TLCD3B: variants seen among roughly 807,000 people sequenced by gnomAD.
TLCD3B encodes the protein ceramide synthase.
In TLCD3B, 9 loss-of-function variants were observed where a neutral mutation model predicts 23.0. That is an observed-to-expected ratio of 0.39 (90% CI 0.24 to 0.68). The LOEUF (loss-of-function observed/expected upper bound fraction) is 0.68. Among genes scored for constraint, TLCD3B ranks in the 30% least tolerant of loss-of-function variants. The pLI is 0.44. For synonymous variants in TLCD3B, 161 were observed against 161.0 expected (o/e 1.00, Z 0.00); for missense variants, 307 against 371.8 (o/e 0.83, Z 1.43).
chr16:30,035,554 C>T (rs897014040), upstream of TLCD3B: 1 of 1,256,018 alleles, frequency 8.0e-7, no homozygotes, highest in East Asian at 5.7e-5. Flanking sequence ...CCCCAGCAGC[C>T]TTCTTCACCC....
intron 2 of TLCD3B, among the ~76,000 whole-genome samples, chr16:30,044,262 T>C (rs149756495): frequency 1.3e-5 from 2 of 149,916 alleles, no homozygotes; most frequent in Non-Finnish European, 3.0e-5. Context: ...CCTCCCAGAG[T>C]GCTGGGATTA....
At position 30,030,814 on chromosome 16, in the gene TLCD3B, G is replaced by T. The variant is rs1371059910; in HGVS notation, c.-287C>A. ...GGGAGAGGCAAAGAGGGGATGGCTT[G>T]GTGAGGGACAGAGAGGAAGAGGGGA... On this transcript the variant is annotated 5_prime_UTR_variant, in exon 1 of 5. Transcript: ENST00000380495. The T allele has an allele frequency of 2.0e-5, 23 of 1,170,672 alleles. No individual in the cohort carries two copies. The highest frequency in any genetic ancestry group is 2.3e-5 in the Non-Finnish European group (22 of 948,438). 72.5% of individuals were successfully genotyped at this position (1,170,672 alleles called of 1,614,324 possible).
At chr16:30,048,986 A>ATC (rs2071712852) in intron 1 of TLCD3B, among the ~76,000 whole-genome samples, 2 of 152,054 alleles carry the variant, frequency 1.3e-5, no homozygotes, top group Non-Finnish European at 2.9e-5. Context: ...AGCCAAGCTG[A>ATC]TCTCAAACTC....
rs1194319891 is a variant in TLCD3B, at chr16:30,025,826, GCA to G, written c.445-7_445-6del. 2 of 1,611,994 alleles carry G rather than the reference GCA, an allele frequency of 1.2e-6. No homozygotes were observed. Among genetic ancestry groups the G allele is most frequent in the East Asian group, 2.2e-5 (1 of 44,880 alleles). On this transcript the variant is annotated splice_polypyrimidine_tract_variant and splice_region_variant and intron_variant, in intron 3 of 4. Transcript: ENST00000380495. The surrounding 1 kb of genome is among the most constrained non-coding windows in gnomAD (Gnocchi z 4.1). ...TCCCTTACCCTGTCGCCACACCTGG[GCA>G]CAGAGGCAGGAAGGTGAGGAGCTGG...
intron 2 of TLCD3B, chr16:30,041,303 T>A (rs1482327609): frequency 2.0e-5 from 3 of 151,968 alleles, no homozygotes; most frequent in Non-Finnish European, 4.4e-5. Context: ...TGAGACAGAG[T>A]CCCACTCTGT....
chr16:30,026,646 T>G lies in TLCD3B; in HGVS notation c.407A>C (p.His136Pro). The change falls in exon 3 of 5, where the codon CAT becomes CCT. Residue 136 changes from histidine (H) to proline (P), a missense_variant. Physicochemically the swap from His to Pro is moderately conservative, Grantham distance 77 (BLOSUM62 -2). Coordinates refer to ENST00000380495, the MANE Select transcript of TLCD3B (RefSeq NM_031478.6). ...LHKEFLMVLH[H>P]AAMVLVCFPL... ...GAAGCACACCAGCACCATGGCGGCATGGTGGAGCACCATGAGGAACTCCTT... is the reference window on the plus strand; with the variant it reads ...GAAGCACACCAGCACCATGGCGGCAGGGTGGAGCACCATGAGGAACTCCTT... 1 of 1,612,778 alleles carries G rather than the reference T, an allele frequency of 6.2e-7. No individual in the cohort carries two copies. The highest frequency in any genetic ancestry group is 8.5e-7 in the Non-Finnish European group (1 of 1,179,404).
Position 30,025,179 on chromosome 16 carries a change from G to T in TLCD3B, c.*4C>A. The stretch of plus-strand genomic sequence containing the variant: ...GGGGAGGGGGAGGGTCCCGGCCCCC[G>T]GCCTCAGTCCTGGGCCTGGCAGGCC... On this transcript the variant is annotated 3_prime_UTR_variant, in exon 5 of 5. Transcript: ENST00000380495. This position sits in a 1 kb window ranked among gnomAD's most constrained non-coding sequence, Gnocchi z 4.1. 2.1e-6 allele frequency: 3 copies of T among 1,444,814 alleles called. No homozygotes were observed. The highest frequency in any genetic ancestry group is 5.1e-5 in the East Asian group (2 of 39,144). The allele number at this position is 1,444,814 out of a possible 1,614,324, so 89.5% of individuals were successfully genotyped here.
Position 30,026,751 on chromosome 16 carries a change from T to C in TLCD3B, c.302A>G (p.Gln101Arg), listed in dbSNP as rs2071159568. The part of the protein sequence containing the change: ...AMFLCHWHKH[Q>R]VKGHGGDDGA... Reference sequence around the variant, plus strand: ...GTCGTCCCCTCCATGCCCTTTGACCTGGTGCTTGTGCCAGTGACAGAGGAA... The same window carrying C: ...GTCGTCCCCTCCATGCCCTTTGACCCGGTGCTTGTGCCAGTGACAGAGGAA... The change falls in exon 3 of 5, where the codon CAG (glutamine) becomes CGG (arginine). Residue 101 changes from glutamine to arginine, a missense_variant. Transcript: ENST00000380495. The C allele has an allele frequency of 1.2e-6, 2 of 1,614,152 alleles. No individual in the cohort carries two copies. The highest frequency in any genetic ancestry group is 1.7e-6 in the Non-Finnish European group (2 of 1,180,034).
At position 30,024,468 on chromosome 16, in the gene TLCD3B, C is replaced by T. The variant is rs2070998325; in HGVS notation, c.*715G>A. The T allele has an allele frequency of 1.0e-5, 6 of 597,340 alleles. No individual in the cohort carries two copies. The South Asian group carries it at 1.3e-4, about 13-fold the overall frequency. 37.0% of individuals were successfully genotyped at this position (597,340 alleles called of 1,614,324 possible). On this transcript the variant is annotated 3_prime_UTR_variant, in exon 5 of 5. Transcript: ENST00000380495. ...CGTCTTTTATTAGCGGTCTGTAAAG[C>T]ACCTCCCAGGGTCCCCCGACCCCAG...
upstream of TLCD3B, among the ~76,000 whole-genome samples, chr16:30,031,832 G>A (rs2071368566): frequency 6.6e-6 from 1 of 152,174 alleles, no homozygotes; most frequent in African/African-American, 2.4e-5. Flanking sequence ...CGATCCTGAG[G>A]CTCCCTGAGG....
In TLCD3B at chr16:30,025,894, T is replaced by C; in HGVS notation, c.445-73A>G. The C allele has an allele frequency of 8.5e-7, 1 of 1,172,618 alleles. No homozygotes were observed. 72.6% of individuals were successfully genotyped at this position (1,172,618 alleles called of 1,614,324 possible). A position where few individuals can be genotyped will look rare whatever the true frequency, so the allele number is the denominator to read the frequency against. On this transcript the variant is annotated intron_variant, in intron 3 of 4. Coordinates refer to ENST00000380495, the MANE Select transcript of TLCD3B (RefSeq NM_031478.6). This position sits in a 1 kb window ranked among gnomAD's most constrained non-coding sequence, Gnocchi z 4.1. ...CTTGGGCAGCCCCCGCCCTTCCTCTTTCCCCTCTGTCACTTTGGGAGATGC... is the reference window on the plus strand; with the variant it reads ...CTTGGGCAGCCCCCGCCCTTCCTCTCTCCCCTCTGTCACTTTGGGAGATGC...
chr16:30,035,520 AC>A, upstream of TLCD3B: 1 of 1,287,284 alleles, frequency 7.8e-7, no homozygotes, highest in Non-Finnish European at 1.0e-6. Context: ...CCATGAGAAC[AC>A]CTCAACACAA....
At chr16:30,035,268 C>T, upstream of TLCD3B, 2 of 1,260,402 alleles carry the variant, frequency 1.6e-6, no homozygotes, top group South Asian at 2.6e-5. Context: ...CTTCTGCTTT[C>T]ACCACAAACT....
At chr16:30,041,508 G>A (rs1330029335) in intron 2 of TLCD3B, among the ~76,000 whole-genome samples, 1 of 152,074 alleles carries the variant, frequency 6.6e-6, no homozygotes, top group African/African-American at 2.4e-5. Flanking sequence ...CAAGTGAGCT[G>A]CCCGCCTTGG....
At chr16:30,037,042 G>A (rs1020040956) in intron 3 of TLCD3B, among the ~76,000 whole-genome samples, 4 of 150,840 alleles carry the variant, frequency 2.7e-5, no homozygotes, top group East Asian at 3.9e-4. Context: ...CCGAGATCTC[G>A]CCACTGCACT....
intron 3 of TLCD3B, among the ~76,000 whole-genome samples, chr16:30,037,108 A>G (rs1343414266): frequency 6.6e-6 from 1 of 150,632 alleles, no homozygotes; most frequent in Non-Finnish European, 1.5e-5. Context: ...ATAAATAAAT[A>G]ATAAAATAAA....
intron 2 of TLCD3B, among the ~76,000 whole-genome samples, chr16:30,041,525 A>G (rs930477036): frequency 6.6e-6 from 1 of 152,120 alleles, no homozygotes; most frequent in African/African-American, 2.4e-5. Flanking sequence ...TTGGCCTACC[A>G]AAGTGTTGGG....
rs781681507 is a variant in TLCD3B at position 30,025,141 on chromosome 16, C to T, written c.*42G>A. ...CATCAGCCCCAGAGCCCTGTCTCCA[C>T]GGGGGTGGGGGTGGGGAGGGGGAGG... On this transcript the variant is annotated 3_prime_UTR_variant, in exon 5 of 5. Coordinates refer to ENST00000380495, the MANE Select transcript of TLCD3B (RefSeq NM_031478.6). The surrounding 1 kb of genome is among the most constrained non-coding windows in gnomAD (Gnocchi z 4.1). 63 of 1,294,406 alleles carry T rather than the reference C, an allele frequency of 4.9e-5. No homozygotes were observed. Among genetic ancestry groups the T allele is most frequent in the Admixed American group, 1.2e-4 (4 of 33,818 alleles). The allele number at this position is 1,294,406 out of a possible 1,614,324, so 80.2% of individuals were successfully genotyped here.
In TLCD3B at chr16:30,030,669, CG is replaced by C; in HGVS notation, c.-143del. 1 of 678,002 alleles carries C rather than the reference CG, an allele frequency of 1.5e-6. No homozygotes were observed. The highest frequency in any genetic ancestry group is 1.7e-6 in the Non-Finnish European group (1 of 588,438). 42.0% of individuals were successfully genotyped at this position (678,002 alleles called of 1,614,324 possible). On this transcript the variant is annotated 5_prime_UTR_variant, in exon 1 of 5. Coordinates refer to ENST00000380495, the MANE Select transcript of TLCD3B (RefSeq NM_031478.6). ...GAGAAGGGGCACAAAGGGGCCAGGG[CG>C]GGGACGGGATGGGGCCAGGGAGTCC...
Sources: gnomAD v4.1 joint callset for allele counts (sites outside exome capture counted in the v4.1 genomes callset) on GRCh38, gnomAD v4.1.1 for gene constraint, Gnocchi (gnomAD v3.1) non-coding constraint, MANE v1.5 for transcripts, NCBI Gene and HGNC (gene_info 2026-07-23, HGNC 2026-07-21) for gene names.